Variants in CNTLN observed in about 807,000 individuals in gnomAD.
The protein encoded by CNTLN is centlein.
Under a neutral mutation model 180.0 loss-of-function variants are expected in CNTLN, and 212 were observed. The ratio of observed to expected loss-of-function variants is 1.18; its 90% CI spans 1.05 to 1.32. The LOEUF (loss-of-function observed/expected upper bound fraction) is 1.32. Ranked by LOEUF, CNTLN falls within the 40% of genes most tolerant of loss-of-function variation. The pLI is 0.00. For missense variants in CNTLN, 2,095 were observed against 1,610.9 expected (o/e 1.30, Z -5.14); for synonymous variants, 722 against 563.1 (o/e 1.28, Z -3.99).
chr9:17,525,513 G>C, the CNTLN span, among the ~76,000 whole-genome samples: 2 of 152,140 alleles, frequency 1.3e-5, no homozygotes, highest in Admixed American at 1.3e-4. Flanking sequence ...ATTTGTTCAA[G>C]ACCAGTGTTA....
At chr9:17,369,876 A>G (rs896013110) in intron 13 of CNTLN, among the ~76,000 whole-genome samples, 1 of 151,850 alleles carries the variant, frequency 6.6e-6, no homozygotes, top group Non-Finnish European at 1.5e-5. Flanking sequence ...GATCCCAGCT[A>G]CTTGGGAGGC....
chr9:17,296,103 A>C (rs968488817), intron 6 of CNTLN, among the ~76,000 whole-genome samples: 13 of 151,164 alleles, frequency 8.6e-5, no homozygotes, highest in Non-Finnish European at 1.5e-4. Flanking sequence ...CTCAGGATCA[A>C]ATGATTCCTC....
At chr9:17,435,449 C>A (rs575190388) in intron 18 of CNTLN, among the ~76,000 whole-genome samples, 1 of 152,078 alleles carries the variant, frequency 6.6e-6, no homozygotes, top group South Asian at 2.1e-4. Flanking sequence ...CACACTGTCA[C>A]AATGGCTGTT....
At chr9:17,266,581 C>A (rs1295107818) in intron 5 of CNTLN, among the ~76,000 whole-genome samples, 2 of 152,026 alleles carry the variant, frequency 1.3e-5, no homozygotes, top group African/African-American at 4.8e-5. Context: ...GAGTTCAATT[C>A]CTGGGTATCC....
At chr9:17,246,913 G>T (rs1470144776) in intron 5 of CNTLN, among the ~76,000 whole-genome samples, 3 of 151,914 alleles carry the variant, frequency 2.0e-5, no homozygotes, top group Non-Finnish European at 4.4e-5. Context: ...CCAGGGCATG[G>T]TTAGAAATGT....
chr9:17,321,362 G>T (rs1156378621), intron 8 of CNTLN, among the ~76,000 whole-genome samples: 3 of 152,020 alleles, frequency 2.0e-5, no homozygotes, highest in Non-Finnish European at 4.4e-5. Flanking sequence ...TGTTTTCCTT[G>T]TGTATCTCCA....
intron 13 of CNTLN, among the ~76,000 whole-genome samples, chr9:17,369,457 A>G (rs566713615): frequency 6.6e-6 from 1 of 152,226 alleles, no homozygotes; most frequent in Admixed American, 6.5e-5. Context: ...GCAGAAACAG[A>G]TATGTAGCCT....
chr9:17,172,279 A>G (rs1312042707), intron 2 of CNTLN, among the ~76,000 whole-genome samples: 1 of 152,138 alleles, frequency 6.6e-6, no homozygotes, highest in Non-Finnish European at 1.5e-5. Flanking sequence ...CTTAGCAGTA[A>G]TGGCTGCAAG....
intron 22 of CNTLN, 51 bp from the exon 23 acceptor site, chr9:17,466,655 C>CA: frequency 2.7e-6 from 4 of 1,473,518 alleles, no homozygotes; most frequent in Non-Finnish European, 2.8e-6. Flanking sequence ...CTAACTCTTC[C>CA]AAATCTGTTT....
At position 17,416,066 on chromosome 9, in the gene CNTLN, A is replaced by C; in HGVS notation, c.2991A>C (p.Val997=). ...RIISLQQQNS[V]LQNAKKTAEL... is the part of the protein sequence containing the mutation. ...TATCCTTGCAACAACAAAACAGTGT[A>C]CTTCAGAATGCCAAGAAAACAGCAG... The change falls in exon 18 of 26, where the codon GTA becomes GTC. Residue 997 remains valine, a synonymous_variant. Transcript: ENST00000380647. 1.2e-6 allele frequency: 2 copies of C among 1,613,642 alleles called. No individual in the cohort carries two copies. The highest frequency in any genetic ancestry group is 1.7e-6 in the Non-Finnish European group (2 of 1,179,664).
At chr9:17,356,676 T>C (rs191860051) in intron 12 of CNTLN, among the ~76,000 whole-genome samples, 1 of 152,328 alleles carries the variant, frequency 6.6e-6, no homozygotes, top group Non-Finnish European at 1.5e-5. Context: ...GTTACTTCAA[T>C]AAATATGCTG....
chr9:17,287,284 G>C (rs1010534730), intron 6 of CNTLN, among the ~76,000 whole-genome samples: 2 of 150,444 alleles, frequency 1.3e-5, no homozygotes, highest in Non-Finnish European at 3.0e-5. Context: ...TTTGTCTTTG[G>C]CTCTGTTTAT....
intron 13 of CNTLN, among the ~76,000 whole-genome samples, chr9:17,368,392 C>G (rs965413031): frequency 1.3e-5 from 2 of 152,188 alleles, no homozygotes; most frequent in African/African-American, 4.8e-5. Context: ...TAGATGGCAT[C>G]TCTGGACCCA....
intron 2 of CNTLN, among the ~76,000 whole-genome samples, chr9:17,143,677 T>C (rs2131442900): frequency 6.6e-6 from 1 of 152,282 alleles, no homozygotes; most frequent in African/African-American, 2.4e-5. Context: ...CCTTAAAAGT[T>C]GGCGAAGTCC....
intron 5 of CNTLN, among the ~76,000 whole-genome samples, chr9:17,260,498 T>C (rs117090341): frequency 6.6e-6 from 1 of 151,552 alleles, no homozygotes; most frequent in East Asian, 1.9e-4. Flanking sequence ...TTGCCCACTT[T>C]TTAATGGGAT....
chr9:17,462,627 T>G (rs1223347750), intron 19 of CNTLN, among the ~76,000 whole-genome samples: 1 of 151,686 alleles, frequency 6.6e-6, no homozygotes, highest in Non-Finnish European at 1.5e-5. Flanking sequence ...ATATTTACAT[T>G]ATACCAGGAC....
intron 21 of CNTLN, 41 bp from the exon 22 acceptor site, chr9:17,465,940 T>C (rs1019102718): frequency 3.3e-6 from 5 of 1,513,730 alleles, no homozygotes; most frequent in East Asian, 2.3e-5. Context: ...ATTACTAGAA[T>C]GCCTTCAACA....
intron 13 of CNTLN, among the ~76,000 whole-genome samples, chr9:17,374,210 A>G (rs917413178): frequency 6.6e-6 from 1 of 152,024 alleles, no homozygotes; most frequent in Non-Finnish European, 1.5e-5. Context: ...TTTGCAAACT[A>G]CCCATCTAAC....
At chr9:17,308,987 CACACACACAG>C in intron 7 of CNTLN, 61 bp from the exon 8 acceptor site, 12 of 1,041,608 alleles carry the variant, frequency 1.2e-5, no homozygotes, top group African/African-American at 8.1e-5. Context: ...TATACACACA[CACACACACAG>C]ACACACAGAC....
Sources: allele counts gnomAD v4.1 joint callset (sites outside exome capture counted in the v4.1 genomes callset), GRCh38; gene constraint gnomAD v4.1.1; transcripts MANE v1.5; gene names NCBI Gene and HGNC (gene_info 2026-07-23, HGNC 2026-07-21).